SCLT1: variants seen among roughly 807,000 people sequenced by gnomAD.
SCLT1 encodes sodium channel and clathrin linker 1, also known as sodium channel-associated protein 1.
A neutral mutation model predicts 112.8 loss-of-function variants in SCLT1; 78 were observed. That is an observed-to-expected ratio of 0.69 (90% CI 0.58 to 0.83). The LOEUF (loss-of-function observed/expected upper bound fraction) is 0.83, where lower values mean the gene tolerates loss of function less well. SCLT1 is among the 40% of genes least tolerant of loss of function. The probability of loss-of-function intolerance (pLI) is 0.00; values close to 1 mark genes in which losing one functional copy is unlikely to be tolerated. For synonymous variants in SCLT1, 257 were observed against 254.7 expected (o/e 1.01, Z -0.09); for missense variants, 747 against 770.4 (o/e 0.97, Z 0.36).
chr4:128,888,963 G>T (rs764979138), intron 19 of SCLT1, among the ~76,000 whole-genome samples, 189 bp from the exon 20 acceptor site: 12 of 152,124 alleles, frequency 7.9e-5, no homozygotes, highest in Non-Finnish European at 1.6e-4. Flanking sequence ...TTAATAAATT[G>T]TTTTCTTTCT....
intron 9 of SCLT1, among the ~76,000 whole-genome samples, chr4:128,987,156 T>C (rs1742170696): frequency 6.6e-6 from 1 of 152,170 alleles, no homozygotes; most frequent in Admixed American, 6.5e-5. Flanking sequence ...CTGAAATGGC[T>C]GCAATAATTG....
intron 3 of SCLT1, among the ~76,000 whole-genome samples, chr4:128,878,466 A>C (rs1036527424): frequency 1.3e-5 from 2 of 152,050 alleles, no homozygotes; most frequent in African/African-American, 4.8e-5. Flanking sequence ...TTTCAAAGAG[A>C]GCTTTTCTCC....
chr4:129,093,284 C>A lies in SCLT1; in HGVS notation c.-181G>T. On this transcript the variant is annotated 5_prime_UTR_variant, in exon 1 of 21. Coordinates refer to ENST00000281142, the MANE Select transcript of SCLT1 (RefSeq NM_144643.4). ...CCCCGCCACGCTTCTTTCCCCCGCG[C>A]CCCAGACGAGTCCCTGGCCCTGGTG... The A allele has an allele frequency of 1.6e-6, 1 of 624,668 alleles. No individual in the cohort carries two copies. The highest frequency in any genetic ancestry group is 1.9e-5 in the South Asian group (1 of 53,868). 38.7% of individuals were successfully genotyped at this position (624,668 alleles called of 1,614,324 possible).
At chr4:128,989,753 A>G (rs1742400676) in intron 9 of SCLT1, among the ~76,000 whole-genome samples, 1 of 151,770 alleles carries the variant, frequency 6.6e-6, no homozygotes. Flanking sequence ...GGTAAATAAA[A>G]TGAGATGAAG....
chr4:129,047,604 A>T (rs1300839337), intron 2 of SCLT1, among the ~76,000 whole-genome samples: 1 of 152,112 alleles, frequency 6.6e-6, no homozygotes, highest in East Asian at 1.9e-4. Context: ...ATTTCTACCA[A>T]CAGTGTAGGA....
intron 18 of SCLT1, among the ~76,000 whole-genome samples, chr4:128,910,718 T>G (rs990870211): frequency 1.3e-5 from 2 of 152,150 alleles, no homozygotes; most frequent in African/African-American, 4.8e-5. Flanking sequence ...TTAATACGTC[T>G]GGAATTTATT....
chr4:129,007,759 T>C (rs1744157259), intron 5 of SCLT1, among the ~76,000 whole-genome samples: 1 of 152,184 alleles, frequency 6.6e-6, no homozygotes, highest in Non-Finnish European at 1.5e-5. Context: ...TTATATCTAC[T>C]ACCTTAGTAT....
intron 18 of SCLT1, among the ~76,000 whole-genome samples, chr4:128,912,496 C>T (rs1022192663): frequency 1.3e-5 from 2 of 152,012 alleles, no homozygotes; most frequent in African/African-American, 4.8e-5. Context: ...TAAGATAGGT[C>T]AGTGAAAATA....
At chr4:128,933,481 G>A (rs1259516940) in intron 18 of SCLT1, among the ~76,000 whole-genome samples, 1 of 152,028 alleles carries the variant, frequency 6.6e-6, no homozygotes, top group Non-Finnish European at 1.5e-5. Flanking sequence ...GGGCCATTTT[G>A]ATGTGACCCC....
At position 128,884,557 on chromosome 4, in the gene SCLT1, A is replaced by C. The variant is rs1258184403; in HGVS notation, c.2005-18T>G. On this transcript the variant is annotated intron_variant, in intron 20 of 20. Transcript: ENST00000281142. The stretch of plus-strand genomic sequence containing the variant: ...ACACTGAGCTGCAATTAAAATAAAC[A>C]ATCGGTAAGTAGTTACTTTTTCTGT... The C allele has an allele frequency of 3.2e-6, 5 of 1,543,778 alleles. No individual in the cohort carries two copies. Among genetic ancestry groups the C allele is most frequent in the Admixed American group, 1.7e-5 (1 of 59,706 alleles).
intron 3 of SCLT1, among the ~76,000 whole-genome samples, 182 bp downstream of exon 3, chr4:129,043,810 AG>A (rs758377977): frequency 5.3e-5 from 8 of 152,172 alleles, no homozygotes; most frequent in Non-Finnish European, 1.2e-4. Flanking sequence ...ACAGGGGTAA[AG>A]TTGCTCCTGT....
chr4:129,093,505 GA>G lies in SCLT1; in HGVS notation c.-403del, dbSNP rs1461824112. On this transcript the variant is annotated 5_prime_UTR_variant, in exon 1 of 21. Transcript: ENST00000281142. ...CGGGGGTTGGAGAGGACAACGCCAA[GA>G]CGGCTGGGAAGCCCCAGGCCAGCAG... The G allele has an allele frequency of 5.3e-6, 1 of 189,250 alleles. No individual in the cohort carries two copies. The highest frequency in any genetic ancestry group is 2.3e-5 in the African/African-American group (1 of 42,866). The allele number at this position is 189,250 out of a possible 1,614,324, so 11.7% of individuals were successfully genotyped here.
chr4:128,960,011 G>A lies in SCLT1; in HGVS notation c.870-234C>T, dbSNP rs541774688. Among the ~76,000 whole-genome samples, 7 of 152,190 alleles carry A rather than the reference G, an allele frequency of 4.6e-5. No individual in the cohort carries two copies. In the South Asian group the frequency reaches 1.5e-3, roughly 32 times the overall value. Reference sequence around the variant, plus strand: ...TTAGGCATTTGATTAAGATCATAGCGCTAATGAGCAGTGGGGCTGAGACTA... The same window carrying A: ...TTAGGCATTTGATTAAGATCATAGCACTAATGAGCAGTGGGGCTGAGACTA... On this transcript the variant is annotated intron_variant, in intron 11 of 20. Transcript: ENST00000281142.
At chr4:128,959,929 T>C (rs1362719257) in intron 11 of SCLT1, 152 bp from the exon 12 acceptor site, 32 of 626,348 alleles carry the variant, frequency 5.1e-5, no homozygotes, top group Non-Finnish European at 8.6e-5. Context: ...TTCTATAAAG[T>C]AGGTTTTACT....
At chr4:128,885,574 G>A (rs962524098) in intron 20 of SCLT1, among the ~76,000 whole-genome samples, 5 of 152,124 alleles carry the variant, frequency 3.3e-5, no homozygotes, top group African/African-American at 1.2e-4. Flanking sequence ...TAACCAGTCT[G>A]CTATTGTTGG....
At chr4:128,940,939 C>T (rs981681594) in intron 17 of SCLT1, among the ~76,000 whole-genome samples, 1 of 152,036 alleles carries the variant, frequency 6.6e-6, no homozygotes, top group African/African-American at 2.4e-5. Flanking sequence ...ATACTTTTAG[C>T]TGCACGTTCA....
intron 5 of SCLT1, among the ~76,000 whole-genome samples, chr4:129,011,248 T>C (rs982359032): frequency 3.9e-5 from 6 of 152,210 alleles, no homozygotes; most frequent in African/African-American, 1.4e-4. Flanking sequence ...TGAACCAACC[T>C]TGCATCCCAG....
intron 9 of SCLT1, 112 bp from the exon 10 acceptor site, chr4:128,970,580 A>G: frequency 1.6e-6 from 1 of 639,370 alleles, no homozygotes; most frequent in Admixed American, 2.8e-5. Context: ...TTTATCTAAA[A>G]TGGATCCATG....
intron 2 of SCLT1, among the ~76,000 whole-genome samples, chr4:129,063,453 T>C (rs780494251): frequency 3.3e-5 from 5 of 152,314 alleles, no homozygotes; most frequent in African/African-American, 4.8e-5. Flanking sequence ...CATGTTTTTT[T>C]TGTGGGGGTA....
Sources: allele counts gnomAD v4.1 joint callset (sites outside exome capture counted in the v4.1 genomes callset), GRCh38; gene constraint gnomAD v4.1.1; transcripts MANE v1.5; gene names NCBI Gene and HGNC (gene_info 2026-07-23, HGNC 2026-07-21).